Variants in ANO2 observed in about 807,000 individuals in gnomAD.
The protein encoded by ANO2 is anoctamin 2, also known as anoctamin-2.
A neutral mutation model predicts 124.2 loss-of-function variants in ANO2; 101 were observed. The observed-to-expected ratio is 0.81, with a 90% CI of 0.69 to 0.96. ANO2 has a LOEUF of 0.96. ANO2 is among the 40% of genes least tolerant of loss of function. The probability of loss-of-function intolerance (pLI) is 0.00; values close to 1 mark genes in which losing one functional copy is unlikely to be tolerated. For synonymous variants in ANO2, 486 were observed against 482.5 expected (o/e 1.01, Z -0.09); for missense variants, 1,293 against 1,274.5 (o/e 1.01, Z -0.22).
At chr12:5,653,453 A>T (rs1230701896) in intron 14 of ANO2, among the ~76,000 whole-genome samples, 1 of 152,190 alleles carries the variant, frequency 6.6e-6, no homozygotes, top group Non-Finnish European at 1.5e-5. Flanking sequence ...ATATTGTTCA[A>T]ATTATCTGTG....
At chr12:5,718,646 G>A (rs1429310773) in intron 14 of ANO2, among the ~76,000 whole-genome samples, 1 of 152,220 alleles carries the variant, frequency 6.6e-6, no homozygotes, top group African/African-American at 2.4e-5. Flanking sequence ...AATACATAAT[G>A]TAAGCAGAGT....
In ANO2 at chr12:5,790,946, C is replaced by G. The variant is rs115571527; in HGVS notation, c.1055+8561G>C. On this transcript the variant is annotated intron_variant, in intron 10 of 24. Coordinates refer to ENST00000682330, the MANE Select transcript of ANO2 (RefSeq NM_001364791.2). ...ACGTCCCCAAACAAGCAAGGAGGGC[C>G]AAAATACAGCTTTTCATAGTGAGGG... is the stretch of plus-strand genomic sequence containing the variant. Among the ~76,000 whole-genome samples the G allele has an allele frequency of 4.2e-3, 642 of 152,240 alleles. 5 individuals carry two copies. The highest frequency in any genetic ancestry group is 0.015 in the African/African-American group (609 of 41,532).
At chr12:5,765,994 A>G (rs1488601304) in intron 10 of ANO2, among the ~76,000 whole-genome samples, 1 of 152,222 alleles carries the variant, frequency 6.6e-6, no homozygotes, top group Non-Finnish European at 1.5e-5. Context: ...AAATTAAACC[A>G]TAATGCAGTA....
chr12:5,839,042 T>C (rs1343223576), intron 4 of ANO2, among the ~76,000 whole-genome samples: 1 of 151,978 alleles, frequency 6.6e-6, no homozygotes, highest in African/African-American at 2.4e-5. Flanking sequence ...CCAAACAAAA[T>C]ACATGAAATA....
intron 7 of ANO2, among the ~76,000 whole-genome samples, chr12:5,821,795 G>C (rs1953808535): frequency 6.6e-6 from 1 of 152,220 alleles, no homozygotes; most frequent in South Asian, 2.1e-4. Flanking sequence ...AGTGGGTCAT[G>C]AACAGCAGCA....
At chr12:5,677,888 A>T (rs1948321836) in intron 14 of ANO2, among the ~76,000 whole-genome samples, 1 of 152,156 alleles carries the variant, frequency 6.6e-6, no homozygotes, top group Non-Finnish European at 1.5e-5. Flanking sequence ...CATAGGCCAC[A>T]TCCTCTTAGC....
rs1942051547 is a variant in ANO2 at position 5,925,743 on chromosome 12, T to C, written c.23-2939A>G. Among the ~76,000 whole-genome samples the C allele has an allele frequency of 1.3e-5, 2 of 152,240 alleles. No individual in the cohort carries two copies. Among genetic ancestry groups the C allele is most frequent in the African/African-American group, 2.4e-5 (1 of 41,470 alleles). ...CGTTGCCTTGGCTCTCCTTCCACGC[T>C]GCCTTGAACAACAGATCCTTGGGTG... On this transcript the variant is annotated intron_variant, in intron 1 of 24. Transcript: ENST00000682330. The surrounding 1 kb of genome is among the most constrained non-coding windows in gnomAD (Gnocchi z 4.6).
chr12:5,675,426 C>T (rs902906590), intron 14 of ANO2, among the ~76,000 whole-genome samples: 2 of 152,202 alleles, frequency 1.3e-5, no homozygotes, highest in African/African-American at 4.8e-5. Flanking sequence ...TCAGTCTCAG[C>T]TTAAATCAGG....
chr12:5,574,673 A>G (rs1049006096), intron 23 of ANO2, among the ~76,000 whole-genome samples: 2 of 152,152 alleles, frequency 1.3e-5, no homozygotes, highest in African/African-American at 4.8e-5. Flanking sequence ...GTTTATGCCC[A>G]GCACAGTTCA....
intron 10 of ANO2, among the ~76,000 whole-genome samples, chr12:5,775,519 T>A (rs1315715320): frequency 6.7e-6 from 1 of 150,176 alleles, no homozygotes; most frequent in East Asian, 2.0e-4. Context: ...TGGAGTGCAG[T>A]GGCGCGATCT....
At chr12:5,609,928 G>A (rs1180019716) in intron 19 of ANO2, among the ~76,000 whole-genome samples, 1 of 142,564 alleles carries the variant, frequency 7.0e-6, no homozygotes, top group East Asian at 2.0e-4. Context: ...ATATCTATAT[G>A]AAATATAGAT....
chr12:5,856,704 G>A (rs999411878), intron 3 of ANO2: 24 of 152,232 alleles, frequency 1.6e-4, no homozygotes, highest in African/African-American at 5.8e-4. Flanking sequence ...AGTGTCAAGA[G>A]AGAAGCTGGC....
intron 7 of ANO2, among the ~76,000 whole-genome samples, chr12:5,826,396 G>A (rs1423039071): frequency 6.7e-6 from 1 of 149,936 alleles, no homozygotes; most frequent in Non-Finnish European, 1.5e-5. Context: ...GTTGCCAAAG[G>A]AGATTAACAT....
At position 5,635,340 on chromosome 12, in the gene ANO2, A is replaced by G. The variant is rs755921891; in HGVS notation, c.1628T>C (p.Leu543Pro). 2 of 1,565,220 alleles carry G rather than the reference A, an allele frequency of 1.3e-6. No homozygotes were observed. Among genetic ancestry groups the G allele is most frequent in the Admixed American group, 2.0e-5 (1 of 49,198 alleles). ...NFASILFMIA[L>P]TFSIVFGVIV... ...CACCCCAAAGACGATTGAGAATGTCAGGGCAATCTGTTTGGGAAAACAGAG... is the reference window on the plus strand; with the variant it reads ...CACCCCAAAGACGATTGAGAATGTCGGGGCAATCTGTTTGGGAAAACAGAG... The change falls in exon 16 of 25, where the codon CTG (leucine) becomes CCG (proline). Residue 543 changes from leucine to proline, a missense_variant. Coordinates refer to ENST00000682330, the MANE Select transcript of ANO2 (RefSeq NM_001364791.2). This position sits in a 1 kb window ranked among gnomAD's most constrained non-coding sequence, Gnocchi z 5.2.
intron 14 of ANO2, among the ~76,000 whole-genome samples, chr12:5,678,923 A>C (rs2361594): frequency 0.5 from 76,380 of 152,038 alleles, 21,159 homozygotes; most frequent in Middle Eastern, 0.63. Flanking sequence ...AACTGTAAGG[A>C]TCTACATTTA....
intron 14 of ANO2, among the ~76,000 whole-genome samples, chr12:5,657,863 C>G (rs568639333): frequency 6.6e-6 from 1 of 152,248 alleles, no homozygotes; most frequent in African/African-American, 2.4e-5. Flanking sequence ...ACTGCTTTCA[C>G]AAAATAAATG....
At chr12:5,568,352 A>G (rs1425418843) in intron 23 of ANO2, among the ~76,000 whole-genome samples, 2 of 151,926 alleles carry the variant, frequency 1.3e-5, no homozygotes, top group Non-Finnish European at 2.9e-5. Flanking sequence ...TGTGTTAGCC[A>G]AGATGGTCTC....
At position 5,615,153 on chromosome 12, in the gene ANO2, T is replaced by C. The variant is rs764874406; in HGVS notation, c.1928+33A>G. Reference sequence around the variant, plus strand: ...TAGAGAACCCAGTCTTAGTGGCAAATTGCCTTTCTACACATGACACCATTA... The same window carrying C: ...TAGAGAACCCAGTCTTAGTGGCAAACTGCCTTTCTACACATGACACCATTA... On this transcript the variant is annotated intron_variant, in intron 17 of 24. Transcript: ENST00000682330. 3.2e-6 allele frequency: 5 copies of C among 1,576,126 alleles called. No homozygotes were observed. The South Asian group carries it at 3.4e-5, about 11-fold the overall frequency.
At chr12:5,593,238 G>A (rs762943092) in intron 20 of ANO2, among the ~76,000 whole-genome samples, 1 of 152,194 alleles carries the variant, frequency 6.6e-6, no homozygotes, top group East Asian at 1.9e-4. Context: ...TAGCCCAAGG[G>A]CCTCAAAACT....
Sources: gnomAD v4.1 joint callset for allele counts (sites outside exome capture counted in the v4.1 genomes callset) on GRCh38, gnomAD v4.1.1 for gene constraint, Gnocchi (gnomAD v3.1) non-coding constraint, MANE v1.5 for transcripts, NCBI Gene and HGNC (gene_info 2026-07-23, HGNC 2026-07-21) for gene names.